The following PDS5B variants were observed in gnomAD, a reference collection of about 807,000 sequenced individuals.
PDS5B encodes sister chromatid cohesion protein PDS5 homolog B.
PDS5B carries 51 observed loss-of-function variants against 184.1 expected under a neutral mutation model. The observed-to-expected ratio is 0.28, with a 90% CI of 0.22 to 0.35. The LOEUF is 0.35. Ranked by LOEUF, PDS5B falls within the 10% of genes least tolerant of loss-of-function variation. PDS5B has a pLI of 1.00. For synonymous variants in PDS5B, 566 were observed against 569.2 expected (o/e 0.99, Z 0.08); for missense variants, 1,180 against 1,723.3 (o/e 0.68, Z 5.58).
At chr13:32,682,701 A>G (rs1486903862) in intron 10 of PDS5B, among the ~76,000 whole-genome samples, 1 of 152,248 alleles carries the variant, frequency 6.6e-6, no homozygotes, top group Non-Finnish European at 1.5e-5. Flanking sequence ...AACAGTCTCC[A>G]TATTAGTTAT....
chr13:32,764,178 A>G (rs1285481832), intron 30 of PDS5B, among the ~76,000 whole-genome samples: 2 of 152,226 alleles, frequency 1.3e-5, no homozygotes, highest in African/African-American at 4.8e-5. Flanking sequence ...GTTGCAGTGT[A>G]GACCAAGCTA....
At chr13:32,623,569 G>A (rs960090467) in intron 1 of PDS5B, among the ~76,000 whole-genome samples, 2 of 152,148 alleles carry the variant, frequency 1.3e-5, no homozygotes, top group Admixed American at 6.5e-5. Flanking sequence ...TAGCTTGTGA[G>A]GTTAGAAGCA....
chr13:32,747,746 T>C (rs1301899455), intron 24 of PDS5B, among the ~76,000 whole-genome samples: 1 of 152,222 alleles, frequency 6.6e-6, no homozygotes, highest in Non-Finnish European at 1.5e-5. Flanking sequence ...TTTTATTAAA[T>C]TGGGAAGACC....
At chr13:32,604,111 T>A (rs1465356708) in intron 1 of PDS5B, among the ~76,000 whole-genome samples, 1 of 152,214 alleles carries the variant, frequency 6.6e-6, no homozygotes, top group African/African-American at 2.4e-5. Flanking sequence ...TCCAACATTA[T>A]GTTGAATAGG....
chr13:32,670,088 C>T (rs1233398205), intron 7 of PDS5B, among the ~76,000 whole-genome samples: 1 of 151,974 alleles, frequency 6.6e-6, no homozygotes, highest in Non-Finnish European at 1.5e-5. Flanking sequence ...AACCCCACTT[C>T]TCTCTTCTGT....
At chr13:32,726,149 TA>T (rs58034166) in intron 19 of PDS5B, among the ~76,000 whole-genome samples, 9,606 of 141,132 alleles carry the variant, frequency 0.068, 785 homozygotes, top group African/African-American at 0.2. Flanking sequence ...TAGATAAACT[TA>T]AAAAAAAAAA....
At chr13:32,626,030 G>GCCTACTAAATTTT (rs2058366345) in intron 1 of PDS5B, among the ~76,000 whole-genome samples, 1 of 152,036 alleles carries the variant, frequency 6.6e-6, no homozygotes, top group African/African-American at 2.4e-5. Flanking sequence ...AGTAGGTATG[G>GCCTACTAAATTTT]GGTTTTGCCA....
At chr13:32,637,142 T>A (rs1337151173) in intron 1 of PDS5B, among the ~76,000 whole-genome samples, 1 of 148,872 alleles carries the variant, frequency 6.7e-6, no homozygotes, top group Non-Finnish European at 1.5e-5. Context: ...GATTAGCTTA[T>A]TAAGATCATT....
At chr13:32,654,012 T>A (rs1950435528) in intron 3 of PDS5B, among the ~76,000 whole-genome samples, 1 of 152,218 alleles carries the variant, frequency 6.6e-6, no homozygotes, top group Admixed American at 6.5e-5. Flanking sequence ...ACAGGACAAT[T>A]TATGAGAAGA....
intron 17 of PDS5B, among the ~76,000 whole-genome samples, chr13:32,706,042 C>T (rs959597004): frequency 1.3e-5 from 2 of 152,048 alleles, no homozygotes; most frequent in African/African-American, 4.8e-5. Context: ...CTTTGAGAGG[C>T]AAAGGCGGGC....
At chr13:32,748,102 T>G (rs1175914596) in intron 24 of PDS5B, among the ~76,000 whole-genome samples, 1 of 152,220 alleles carries the variant, frequency 6.6e-6, no homozygotes, top group African/African-American at 2.4e-5. Flanking sequence ...TAAAAATCAG[T>G]TACTAGCATC....
chr13:32,600,161 A>C (rs1213882627), intron 1 of PDS5B, among the ~76,000 whole-genome samples: 1 of 152,160 alleles, frequency 6.6e-6, no homozygotes, highest in African/African-American at 2.4e-5. Context: ...CATTGTGACC[A>C]TATTTTTCTT....
intron 20 of PDS5B, among the ~76,000 whole-genome samples, chr13:32,733,748 C>T (rs774686870): frequency 1.6e-4 from 24 of 152,162 alleles, no homozygotes; most frequent in Admixed American, 3.3e-4. Context: ...AAAGAATATA[C>T]GGTGAAAAGT....
intron 1 of PDS5B, among the ~76,000 whole-genome samples, chr13:32,620,656 CAAAAAAA>C (rs376008300): frequency 0.015 from 1,425 of 92,368 alleles, 30 homozygotes; most frequent in African/African-American, 0.063. Context: ...GACTCCGTCT[CAAAAAAA>C]AAAAAAAAAA....
chr13:32,630,749 C>T (rs1390500913), intron 1 of PDS5B, among the ~76,000 whole-genome samples: 1 of 151,690 alleles, frequency 6.6e-6, no homozygotes, highest in Non-Finnish European at 1.5e-5. Flanking sequence ...GTCATAGAGT[C>T]CTTTCCAGTC....
At chr13:32,678,178 A>G (rs572947800) in intron 9 of PDS5B, among the ~76,000 whole-genome samples, 13 of 152,364 alleles carry the variant, frequency 8.5e-5, no homozygotes, top group African/African-American at 3.1e-4. Context: ...GCTCTAGCAA[A>G]TTACAGGAAA....
At chr13:32,770,984 GTATA>G (rs1338892754) in intron 33 of PDS5B, 1 of 518,072 alleles carries the variant, frequency 1.9e-6, no homozygotes. Context: ...ATACCAAATA[GTATA>G]TTATTTCCTA....
intron 1 of PDS5B, among the ~76,000 whole-genome samples, chr13:32,612,422 TTAAC>T (rs1182976528): frequency 6.6e-6 from 1 of 152,186 alleles, no homozygotes. Context: ...TATCGTATAG[TTAAC>T]TAATTTAAAA....
chr13:32,760,794 C>A (rs1311373052), intron 30 of PDS5B, 74 bp downstream of exon 30: 1 of 1,362,110 alleles, frequency 7.3e-7, no homozygotes, highest in Non-Finnish European at 1.0e-6. Flanking sequence ...ATAATATAAT[C>A]CAAAATGTTT....
Sources: allele counts gnomAD v4.1 joint callset (sites outside exome capture counted in the v4.1 genomes callset), GRCh38; gene constraint gnomAD v4.1.1; transcripts MANE v1.5; gene names NCBI Gene and HGNC (gene_info 2026-07-23, HGNC 2026-07-21).